Variants in KCNJ15 observed in about 807,000 individuals in gnomAD.
The protein encoded by KCNJ15 is ATP-sensitive inward rectifier potassium channel 15.
In KCNJ15, 14 loss-of-function variants were observed where a neutral mutation model predicts 23.0. The ratio of observed to expected loss-of-function variants is 0.61; its 90% confidence interval spans 0.40 to 0.95. KCNJ15 has a LOEUF of 0.95. Ranked by LOEUF, KCNJ15 falls within the 40% of genes least tolerant of loss-of-function variation. The pLI, the probability that KCNJ15 is intolerant of heterozygous loss-of-function variation, is 0.00. For missense variants in KCNJ15, 388 were observed against 461.8 expected (o/e 0.84, Z 1.46); for synonymous variants, 185 against 183.2 (o/e 1.01, Z -0.08).
intron 1 of KCNJ15, among the ~76,000 whole-genome samples, chr21:38,257,559 T>C (rs1234983985): frequency 6.6e-6 from 1 of 152,250 alleles, no homozygotes; most frequent in African/African-American, 2.4e-5. Flanking sequence ...CTTTGGCTAA[T>C]TCTGAAGCAG....
At chr21:38,266,514 C>T (rs895267071) in intron 1 of KCNJ15, among the ~76,000 whole-genome samples, 1 of 152,122 alleles carries the variant, frequency 6.6e-6, no homozygotes, top group Admixed American at 6.6e-5. Flanking sequence ...ATATGTGCCA[C>T]ATTTTGTTTA....
intron 1 of KCNJ15, chr21:38,238,529 A>G (rs971266812): frequency 1.3e-5 from 8 of 639,808 alleles, no homozygotes; most frequent in African/African-American, 1.8e-5. Flanking sequence ...ATCTCCGGCA[A>G]TGCCACCGGG....
chr21:38,289,886 A>G (rs1483334029), intron 1 of KCNJ15, among the ~76,000 whole-genome samples: 1 of 152,196 alleles, frequency 6.6e-6, no homozygotes, highest in Admixed American at 6.5e-5. Flanking sequence ...CTGTGATTAG[A>G]GGGAGAATAT....
At chr21:38,260,847 C>T (rs1009304442) in intron 1 of KCNJ15, among the ~76,000 whole-genome samples, 2 of 152,158 alleles carry the variant, frequency 1.3e-5, no homozygotes, top group Non-Finnish European at 2.9e-5. Context: ...TCCCACCCTG[C>T]AGCTCCAATT....
intron 1 of KCNJ15, among the ~76,000 whole-genome samples, chr21:38,284,741 C>T (rs1983709768): frequency 6.6e-6 from 1 of 152,126 alleles, no homozygotes; most frequent in Admixed American, 6.5e-5. Context: ...ATGGCTCTGC[C>T]CTTGCTCCTA....
chr21:38,276,277 C>A (rs1982686593), intron 1 of KCNJ15, among the ~76,000 whole-genome samples: 1 of 151,948 alleles, frequency 6.6e-6, no homozygotes, highest in Admixed American at 6.6e-5. Context: ...AATAAATGAG[C>A]AAATGAATGA....
At chr21:38,230,927 T>C (rs1193000882) in intron 1 of KCNJ15, among the ~76,000 whole-genome samples, 2 of 152,106 alleles carry the variant, frequency 1.3e-5, no homozygotes, top group Non-Finnish European at 2.9e-5. Flanking sequence ...ATATACATTC[T>C]AGAATCACCA....
intron 1 of KCNJ15, chr21:38,238,699 G>T: frequency 2.2e-6 from 1 of 449,822 alleles, no homozygotes; most frequent in Non-Finnish European, 4.2e-6. Context: ...TAGGAGGAAT[G>T]TCCTCTGAAA....
chr21:38,254,810 CA>C (rs1980079287), upstream of KCNJ15, among the ~76,000 whole-genome samples: 1 of 152,010 alleles, frequency 6.6e-6, no homozygotes, highest in African/African-American at 2.4e-5. Context: ...ATGGACTTAA[CA>C]ACATTTCTGG....
intron 1 of KCNJ15, among the ~76,000 whole-genome samples, chr21:38,236,741 C>T (rs1226323962): frequency 1.3e-5 from 2 of 152,158 alleles, no homozygotes; most frequent in African/African-American, 4.8e-5. Context: ...CTACAGGGGC[C>T]CTCCACTGAG....
At chr21:38,261,065 C>T (rs998473888) in intron 1 of KCNJ15, among the ~76,000 whole-genome samples, 47 of 148,342 alleles carry the variant, frequency 3.2e-4, no homozygotes, top group Admixed American at 1.8e-3. Flanking sequence ...AAGAGGGTGA[C>T]GCAGAGAGGG....
chr21:38,238,316 C>G, intron 1 of KCNJ15: 6 of 715,266 alleles, frequency 8.4e-6, no homozygotes, highest in Non-Finnish European at 1.6e-5. Flanking sequence ...GTGGCCTGGT[C>G]TTCCTGCCTT....
chr21:38,283,265 T>C (rs553508915), intron 1 of KCNJ15, among the ~76,000 whole-genome samples: 1 of 152,330 alleles, frequency 6.6e-6, no homozygotes, highest in South Asian at 2.1e-4. Context: ...TTGGAAATGG[T>C]CTGTGCTAGG....
Position 38,303,311 on chromosome 21 carries a change from T to C in KCNJ15, c.*2922T>C, listed in dbSNP as rs1985922515. On this transcript the variant is annotated 3_prime_UTR_variant, in exon 3 of 3. Transcript: ENST00000398938. ...AGGAGCCAAAGTAGTGGAGTATTCC[T>C]GACCCAAAAAGGCTTTTGAATTTTG... 1 of 151,898 alleles carries C rather than the reference T, an allele frequency of 6.6e-6. No individual in the cohort carries two copies. The highest frequency in any genetic ancestry group is 2.1e-4 in the South Asian group (1 of 4,826). The allele number at this position is 151,898 out of a possible 1,614,324, so 9.4% of individuals were successfully genotyped here.
intron 1 of KCNJ15, among the ~76,000 whole-genome samples, chr21:38,264,294 G>C (rs898009979): frequency 5.7e-4 from 87 of 151,956 alleles, no homozygotes; most frequent in African/African-American, 2.0e-3. Context: ...TTCTTCATTG[G>C]CTTAGACTCA....
intron 1 of KCNJ15, among the ~76,000 whole-genome samples, chr21:38,276,804 A>G (rs1429450363): frequency 6.6e-6 from 1 of 152,168 alleles, no homozygotes. Context: ...CTTTAAAAAT[A>G]TTTTTTAAAA....
Position 38,299,607 on chromosome 21 carries a change from G to A in KCNJ15, c.346G>A (p.Gly116Arg). 1.2e-6 allele frequency: 2 copies of A among 1,614,072 alleles called. No homozygotes were observed. The highest frequency in any genetic ancestry group is 1.3e-5 in the African/African-American group (1 of 74,996). ...CATCATGAAAGTGGACTCTCTCACTGGGGCGTTTCTCTTTTCCCTGGAATC... is the reference window on the plus strand; with the variant it reads ...CATCATGAAAGTGGACTCTCTCACTAGGGCGTTTCTCTTTTCCCTGGAATC... ...PCIMKVDSLT[G>R]AFLFSLESQT... is the part of the protein sequence containing the mutation. Residue 116 changes from glycine (G) to arginine (R), a missense_variant, in exon 3 of 3, where the codon GGG becomes AGG. Physicochemically the swap from Gly to Arg is moderately radical, Grantham distance 125 (BLOSUM62 -2). Coordinates refer to ENST00000398938, the MANE Select transcript of KCNJ15 (RefSeq NM_170736.3). This position sits in a 1 kb window ranked among gnomAD's most constrained non-coding sequence, Gnocchi z 4.5.
intron 1 of KCNJ15, among the ~76,000 whole-genome samples, chr21:38,261,735 G>A (rs532254378): frequency 1.9e-4 from 29 of 152,172 alleles, no homozygotes; most frequent in African/African-American, 5.8e-4. Flanking sequence ...TTAACTGTGC[G>A]CTTTTTCCAC....
In KCNJ15 at chr21:38,305,325, T is replaced by C. The variant is rs1050660946; in HGVS notation, c.*4936T>C. 1 of 152,218 alleles carries C rather than the reference T, an allele frequency of 6.6e-6. No individual in the cohort carries two copies. Among genetic ancestry groups the C allele is most frequent in the Non-Finnish European group, 1.5e-5 (1 of 68,034 alleles). The allele number at this position is 152,218 out of a possible 1,614,324, so 9.4% of individuals were successfully genotyped here. ...ATTCAAATTAGGAATTTATGGACATTCAGATATCCACATATTTGAGGGCAG... is the reference window on the plus strand; with the variant it reads ...ATTCAAATTAGGAATTTATGGACATCCAGATATCCACATATTTGAGGGCAG... On this transcript the variant is annotated 3_prime_UTR_variant, in exon 3 of 3. Transcript: ENST00000398938.
Sources: gnomAD v4.1 joint callset for allele counts (sites outside exome capture counted in the v4.1 genomes callset) on GRCh38, gnomAD v4.1.1 for gene constraint, Gnocchi (gnomAD v3.1) non-coding constraint, MANE v1.5 for transcripts, NCBI Gene and HGNC (gene_info 2026-07-23, HGNC 2026-07-21) for gene names.